Variants in RACGAP1 observed in about 807,000 individuals in gnomAD.
RACGAP1 encodes the protein Rac GTPase activating protein 1, also known as rac GTPase-activating protein 1.
RACGAP1 carries 30 observed loss-of-function variants against 78.1 expected under a neutral mutation model. The ratio of observed to expected loss-of-function variants is 0.38; its 90% CI spans 0.29 to 0.52. RACGAP1 has a LOEUF of 0.52. Among genes scored for constraint, RACGAP1 ranks in the 20% least tolerant of loss-of-function variants. The pLI is 0.82. For missense variants in RACGAP1, 587 were observed against 777.1 expected, an observed-to-expected ratio of 0.76 and a Z score of 2.91; for synonymous variants, 231 against 264.8, an observed-to-expected ratio of 0.87 and a Z score of 1.24.
At chr12:50,022,204 A>G (rs983929906) in intron 1 of RACGAP1, among the ~76,000 whole-genome samples, 22 of 152,372 alleles carry the variant, frequency 1.4e-4, no homozygotes, top group African/African-American at 4.8e-4. Context: ...ATTTCAGTCC[A>G]AAATGATTTC....
At chr12:49,994,600 C>T in intron 10 of RACGAP1, 91 bp from the exon 11 acceptor site, 1 of 1,495,556 alleles carries the variant, frequency 6.7e-7, no homozygotes, top group Non-Finnish European at 8.9e-7. Flanking sequence ...CAATCTTATT[C>T]TCAAACTGGG....
Position 50,016,677 on chromosome 12 carries a change from CT to C in RACGAP1, c.38del (p.Glu13GlyfsTer46). ...GAATCTCCACCCGGCGCACAAGCTGCTCAAACAGATTCCGCACATTCAGCAT... is the reference window on the plus strand; with the variant it reads ...GAATCTCCACCCGGCGCACAAGCTGCCAAACAGATTCCGCACATTCAGCAT... ...TMMLNVRNLF[E>X]QLVRRVEILS... On this transcript the variant is annotated frameshift_variant, in exon 2 of 17. Coordinates refer to ENST00000312377, the MANE Select transcript of RACGAP1 (RefSeq NM_001319999.2). LOFTEE classifies it high-confidence loss of function. 6.2e-7 allele frequency: 1 copy of C among 1,614,054 alleles called. No homozygotes were observed.
At chr12:50,000,273 A>G (rs1334035927) in intron 7 of RACGAP1, among the ~76,000 whole-genome samples, 1 of 151,932 alleles carries the variant, frequency 6.6e-6, no homozygotes, top group African/African-American at 2.4e-5. Flanking sequence ...TCAGCCTCCC[A>G]AAGTGCTAGG....
chr12:50,013,453 G>T (rs950302740), intron 2 of RACGAP1, among the ~76,000 whole-genome samples: 2 of 152,116 alleles, frequency 1.3e-5, no homozygotes, highest in Non-Finnish European at 2.9e-5. Context: ...CCTTCTACAG[G>T]TCTTATTATC....
In RACGAP1 at chr12:50,006,555, T is replaced by G. The variant is rs370346154; in HGVS notation, c.167A>C (p.Asp56Ala). 2.5e-6 allele frequency: 4 copies of G among 1,614,206 alleles called. No homozygotes were observed. The highest frequency in any genetic ancestry group is 3.4e-6 in the Non-Finnish European group (4 of 1,180,028). The change falls in exon 3 of 17, where the codon GAT becomes GCT. Residue 56 changes from aspartate to alanine, a missense_variant. By Grantham distance (126) the Asp-to-Ala change is moderately radical. Coordinates refer to ENST00000312377, the MANE Select transcript of RACGAP1 (RefSeq NM_001319999.2). ...RTDHELGKYK[D>A]LLMKAETERS... ...CTCAGTCTCTGCTTTCATCAAAAGA[T>G]CCTTGTATTTCCCCAGCTCATGGTC...
At chr12:50,032,783 G>A (rs1950347231) in intron 1 of RACGAP1, among the ~76,000 whole-genome samples, 1 of 152,210 alleles carries the variant, frequency 6.6e-6, no homozygotes, top group East Asian at 1.9e-4. Context: ...CGAGACGCGC[G>A]CTCTGAGTGC....
chr12:49,997,905 T>C (rs1293887544), intron 9 of RACGAP1, among the ~76,000 whole-genome samples: 1 of 152,106 alleles, frequency 6.6e-6, no homozygotes, highest in African/African-American at 2.4e-5. Flanking sequence ...ATTGAGCACT[T>C]AGTATGTGCC....
chr12:50,026,457 A>G (rs544805477), upstream of RACGAP1, among the ~76,000 whole-genome samples: 12 of 152,342 alleles, frequency 7.9e-5, no homozygotes, highest in East Asian at 2.3e-3. Flanking sequence ...GATCTATTGT[A>G]CAACACAGTG....
rs1320649441 is a variant in RACGAP1, at chr12:49,996,655, AAAAAAAAAAAAAAT to A, written c.1044+371_1044+384del. 1.3e-3 allele frequency among the ~76,000 whole-genome samples: 192 copies of A among 143,594 alleles called. 6 individuals carry two copies. Among genetic ancestry groups the A allele is most frequent in the African/African-American group, 4.9e-3 (182 of 37,502 alleles). The allele number at this position is 143,594 out of a possible 152,430, so 94.2% of individuals were successfully genotyped here. ...AAAAAAAAAAAAAAAAAAAAAAAAA[AAAAAAAAAAAAAAT>A]GGACACAAGTTAGTAATCATGGAAG... On this transcript the variant is annotated intron_variant, in intron 10 of 16. Transcript: ENST00000312377.
chr12:50,003,749 T>C (rs895607525), intron 5 of RACGAP1, among the ~76,000 whole-genome samples: 10 of 152,212 alleles, frequency 6.6e-5, no homozygotes, highest in African/African-American at 2.4e-4. Context: ...GAAAGCATTA[T>C]ATAGTGCCTA....
intron 11 of RACGAP1, 37 bp from the exon 12 acceptor site, chr12:49,994,366 G>A (rs776032100): frequency 1.9e-5 from 30 of 1,612,726 alleles, no homozygotes; most frequent in East Asian, 6.7e-5. Flanking sequence ...AAAAACCTCC[G>A]AATTAACACA....
chr12:49,990,677 T>C lies in RACGAP1; in HGVS notation c.1823+7A>G. The C allele has an allele frequency of 6.3e-7, 1 of 1,591,196 alleles. No individual in the cohort carries two copies. Reference sequence around the variant, plus strand: ...TTTTATTTCCTAGGAAGGCCAATTCTGCATACCTAGGAGTGTTCTTGGTGA... The same window carrying C: ...TTTTATTTCCTAGGAAGGCCAATTCCGCATACCTAGGAGTGTTCTTGGTGA... On this transcript the variant is annotated splice_region_variant and intron_variant, in intron 16 of 16. Coordinates refer to ENST00000312377, the MANE Select transcript of RACGAP1 (RefSeq NM_001319999.2).
intron 8 of RACGAP1, 119 bp from the exon 9 acceptor site, chr12:49,999,390 T>G: frequency 7.7e-7 from 1 of 1,298,756 alleles, no homozygotes; most frequent in South Asian, 1.5e-5. Context: ...AAGTGAGAAC[T>G]AATGGCTATG....
chr12:50,019,491 T>C (rs912272247), intron 1 of RACGAP1, among the ~76,000 whole-genome samples: 1 of 152,090 alleles, frequency 6.6e-6, no homozygotes, highest in African/African-American at 2.4e-5. Flanking sequence ...TCAAAAGAAT[T>C]TCCATTCTAC....
At chr12:50,025,553 C>G (rs773831216), upstream of RACGAP1, 7 of 985,242 alleles carry the variant, frequency 7.1e-6, no homozygotes, top group African/African-American at 1.7e-5. Context: ...TACGGTGTGA[C>G]GTACGCGTCA....
chr12:50,006,497 T>G lies in RACGAP1; in HGVS notation c.225A>C (p.Ala75=). ...TGATCTCTACATCCACCTGATTACG[T>G]GCATGCTTCAGCTTAACATCCAGAG... ...RSALDVKLKH[A]RNQVDVEIKR... Residue 75 remains alanine, a synonymous_variant, in exon 3 of 17, where the codon GCA becomes GCC. Coordinates refer to ENST00000312377, the MANE Select transcript of RACGAP1 (RefSeq NM_001319999.2). The G allele has an allele frequency of 6.2e-7, 1 of 1,614,182 alleles. No individual in the cohort carries two copies. Among genetic ancestry groups the G allele is most frequent in the Non-Finnish European group, 8.5e-7 (1 of 1,180,024 alleles).
chr12:50,014,266 A>T (rs1949522408), intron 2 of RACGAP1, among the ~76,000 whole-genome samples: 1 of 152,250 alleles, frequency 6.6e-6, no homozygotes. Flanking sequence ...TGGTAATACA[A>T]AGAGAAGCTG....
chr12:49,997,111 G>C lies in RACGAP1; in HGVS notation c.973C>G (p.Pro325Ala). Residue 325 changes from proline to alanine, a missense_variant, in exon 10 of 17, where the codon CCA becomes GCA. By Grantham distance (27) the Pro-to-Ala change is conservative. Transcript: ENST00000312377. ...KCRDCRVVSH[P>A]ECRDRCPLPC... Reference sequence around the variant, plus strand: ...AGGGGACAGCGGTCCCGACATTCTGGATGAGAGACCACACGACAGTCTCGA... The same window carrying C: ...AGGGGACAGCGGTCCCGACATTCTGCATGAGAGACCACACGACAGTCTCGA... 6 of 1,610,246 alleles carry C rather than the reference G, an allele frequency of 3.7e-6. No individual in the cohort carries two copies. The highest frequency in any genetic ancestry group is 5.1e-6 in the Non-Finnish European group (6 of 1,177,062).
At chr12:50,014,736 GT>G (rs527498201) in intron 2 of RACGAP1, among the ~76,000 whole-genome samples, 7 of 149,100 alleles carry the variant, frequency 4.7e-5, no homozygotes, top group South Asian at 4.3e-4. Flanking sequence ...TTTTGTTTTT[GT>G]TTTTTTTTCT....
Sources: allele counts gnomAD v4.1 joint callset (sites outside exome capture counted in the v4.1 genomes callset), GRCh38; gene constraint gnomAD v4.1.1; transcripts MANE v1.5; gene names NCBI Gene and HGNC (gene_info 2026-07-23, HGNC 2026-07-21).